The following SNX25 variants were observed in gnomAD, a reference collection of about 807,000 sequenced individuals.
The protein encoded by SNX25 is sorting nexin 25, also known as sorting nexin-25.
SNX25 carries 62 observed loss-of-function variants against 113.7 expected under a neutral mutation model. The ratio of observed to expected loss-of-function variants is 0.55; its 90% CI spans 0.44 to 0.67. The LOEUF (loss-of-function observed/expected upper bound fraction) is 0.67. SNX25 is among the 30% of genes least tolerant of loss of function. The pLI is 0.00. For missense variants in SNX25, 1,014 were observed against 1,161.0 expected (o/e 0.87, Z 1.84); for synonymous variants, 421 against 436.2 (o/e 0.97, Z 0.43).
intron 5 of SNX25, among the ~76,000 whole-genome samples, chr4:185,285,489 T>A (rs1228994006): frequency 6.6e-6 from 1 of 152,250 alleles, no homozygotes; most frequent in Non-Finnish European, 1.5e-5. Flanking sequence ...GTTTTCATTT[T>A]GATTTTTTTC....
chr4:185,325,532 CAA>C (rs34665853), intron 9 of SNX25, among the ~76,000 whole-genome samples: 3 of 111,656 alleles, frequency 2.7e-5, no homozygotes, highest in Non-Finnish European at 3.4e-5. Context: ...GACTCCGTCT[CAA>C]AAAAAAAAAA....
chr4:185,286,448 G>C (rs1321364245), intron 5 of SNX25, among the ~76,000 whole-genome samples: 1 of 152,204 alleles, frequency 6.6e-6, no homozygotes, highest in Non-Finnish European at 1.5e-5. Context: ...GTAAGGTACT[G>C]TTGTGCCTTT....
chr4:185,252,796 C>G (rs1483555112), intron 2 of SNX25, among the ~76,000 whole-genome samples: 2 of 152,078 alleles, frequency 1.3e-5, no homozygotes, highest in African/African-American at 4.8e-5. Flanking sequence ...AAATGCAGAG[C>G]AAAATAATAT....
At chr4:185,276,715 T>A (rs1284141788) in intron 5 of SNX25, among the ~76,000 whole-genome samples, 3 of 152,142 alleles carry the variant, frequency 2.0e-5, no homozygotes, top group African/African-American at 7.2e-5. Context: ...GATTAAACCA[T>A]CTTTCCCATC....
intron 1 of SNX25, among the ~76,000 whole-genome samples, chr4:185,217,348 A>G (rs896281423): frequency 6.6e-6 from 1 of 152,224 alleles, no homozygotes; most frequent in African/African-American, 2.4e-5. Flanking sequence ...TACATTCAAA[A>G]GTGAGTGAGA....
chr4:185,363,539 G>C lies in SNX25; in HGVS notation c.*74G>C, dbSNP rs933992746. ...GAAACATTTTCCTCTTTTCCACAGA[G>C]GGCTTAACTGAGAACCGTATTGATT... On this transcript the variant is annotated 3_prime_UTR_variant, in exon 19 of 19. Coordinates refer to ENST00000652585, the MANE Select transcript of SNX25 (RefSeq NM_001378034.2). This position sits in a 1 kb window ranked among gnomAD's most constrained non-coding sequence, Gnocchi z 4.2. The C allele has an allele frequency of 1.5e-6, 2 of 1,373,568 alleles. No individual in the cohort carries two copies. The highest frequency in any genetic ancestry group is 1.4e-5 in the African/African-American group (1 of 70,006). 85.1% of individuals were successfully genotyped at this position (1,373,568 alleles called of 1,614,324 possible).
intron 6 of SNX25, among the ~76,000 whole-genome samples, chr4:185,298,991 C>T (rs1350669450): frequency 2.0e-4 from 31 of 152,178 alleles, no homozygotes; most frequent in Non-Finnish European, 5.9e-5. Flanking sequence ...GCAGTACCCT[C>T]AGATCATGGT....
At chr4:185,218,370 C>G (rs1472758385) in intron 1 of SNX25, among the ~76,000 whole-genome samples, 1 of 152,274 alleles carries the variant, frequency 6.6e-6, no homozygotes, top group Non-Finnish European at 1.5e-5. Context: ...CAGGCATGAG[C>G]CACCACTCCT....
At position 185,215,894 on chromosome 4, in the gene SNX25, A is replaced by G. The variant is rs112103661; in HGVS notation, c.429+5639A>G. On this transcript the variant is annotated intron_variant, in intron 1 of 18. Coordinates refer to ENST00000652585, the MANE Select transcript of SNX25 (RefSeq NM_001378034.2). ...AACCTTCTCCTCCTGGGCTCAAGCC[A>G]TCCTCCCACCTCCCACCTCACCCTC... Among the ~76,000 whole-genome samples, 3 of 151,004 alleles carry G rather than the reference A, an allele frequency of 2.0e-5. 1 individual carries two copies. The highest frequency in any genetic ancestry group is 7.3e-5 in the African/African-American group (3 of 41,094).
intron 6 of SNX25, among the ~76,000 whole-genome samples, chr4:185,293,617 T>C (rs542238728): frequency 6.6e-6 from 1 of 152,336 alleles, no homozygotes; most frequent in East Asian, 1.9e-4. Flanking sequence ...ATTTACATTA[T>C]ATTTTTTATT....
chr4:185,289,445 G>A (rs901847952), intron 6 of SNX25, among the ~76,000 whole-genome samples: 5 of 152,160 alleles, frequency 3.3e-5, no homozygotes, highest in Non-Finnish European at 7.3e-5. Context: ...CTGGAAGCCT[G>A]GGGGTATCTG....
intron 1 of SNX25, among the ~76,000 whole-genome samples, chr4:185,229,739 A>G (rs761430922): frequency 2.6e-5 from 4 of 152,220 alleles, no homozygotes; most frequent in Non-Finnish European, 4.4e-5. Context: ...GGTTTTAACC[A>G]TGTTAAATTT....
At chr4:185,375,664 A>C in the SNX25 span, 2 of 1,612,270 alleles carry the variant, frequency 1.2e-6, no homozygotes, top group Non-Finnish European at 1.7e-6. Context: ...CTAGCTGGTA[A>C]GTTGCTTGAT....
chr4:185,266,216 T>C (rs557196732), intron 4 of SNX25, among the ~76,000 whole-genome samples: 15 of 152,202 alleles, frequency 9.9e-5, no homozygotes, highest in Non-Finnish European at 1.9e-4. Context: ...TCATTGACTT[T>C]TTAACTTCCT....
At chr4:185,289,026 G>A (rs1751772149) in intron 6 of SNX25, among the ~76,000 whole-genome samples, 1 of 152,146 alleles carries the variant, frequency 6.6e-6, no homozygotes, top group Non-Finnish European at 1.5e-5. Context: ...GCTTGGGCTG[G>A]GGACTTGGAC....
intron 1 of SNX25, among the ~76,000 whole-genome samples, chr4:185,214,294 C>T (rs1219800562): frequency 6.6e-6 from 1 of 150,936 alleles, no homozygotes; most frequent in Admixed American, 6.6e-5. Context: ...TGGTGACATA[C>T]ACCTTTAATC....
intron 1 of SNX25, among the ~76,000 whole-genome samples, chr4:185,233,628 A>G (rs879862986): frequency 3.6e-4 from 54 of 152,072 alleles, no homozygotes; most frequent in Non-Finnish European, 6.5e-4. Flanking sequence ...TTCGTTCTCT[A>G]CTTGCCAATT....
In SNX25 at chr4:185,332,651, T is replaced by G; in HGVS notation, c.1806T>G (p.Asn602Lys). ...EAVDDGTNQI[N>K]EQASFAVNKL... ...TGGATGATGGTACCAATCAGATCAA[T>G]GAACAAGCCAGTTTTGCTGTAAACA... The change falls in exon 10 of 19, where the codon AAT (asparagine) becomes AAG (lysine). Residue 602 changes from asparagine to lysine, a missense_variant. Transcript: ENST00000652585. The G allele has an allele frequency of 6.2e-7, 1 of 1,614,112 alleles. No homozygotes were observed. Among genetic ancestry groups the G allele is most frequent in the Non-Finnish European group, 8.5e-7 (1 of 1,179,996 alleles).
At chr4:185,229,708 T>G (rs776104995) in intron 1 of SNX25, among the ~76,000 whole-genome samples, 11 of 152,182 alleles carry the variant, frequency 7.2e-5, no homozygotes, top group Non-Finnish European at 1.5e-4. Flanking sequence ...GAAGGAGAAT[T>G]GTTTCTTCTT....
Sources: allele counts gnomAD v4.1 joint callset (sites outside exome capture counted in the v4.1 genomes callset), GRCh38; gene constraint gnomAD v4.1.1; non-coding constraint Gnocchi (gnomAD v3.1); transcripts MANE v1.5; gene names NCBI Gene and HGNC (gene_info 2026-07-23, HGNC 2026-07-21).